SPMIP5: variants seen among roughly 807,000 people sequenced by gnomAD.
SPMIP5 encodes the protein sperm-associated microtubule inner protein 5.
At chr10:116,664,589 G>A in the SPMIP5 span, 1 of 1,295,778 alleles carries the variant, frequency 7.7e-7, no homozygotes, top group Non-Finnish European at 1.0e-6. Context: ...GGGAGCAGAG[G>A]GCACCTGCCT....
At chr10:116,664,604 G>T in the SPMIP5 span, 1 of 1,386,576 alleles carries the variant, frequency 7.2e-7, no homozygotes, top group Non-Finnish European at 9.5e-7. Flanking sequence ...CTGCCTACTG[G>T]GGAAGCCCTG....
At chr10:116,665,106 T>C in the SPMIP5 span, 21 of 1,399,956 alleles carry the variant, frequency 1.5e-5, no homozygotes, top group Non-Finnish European at 1.9e-5. Flanking sequence ...CCTAGAAATG[T>C]TTCTTTCTGG....
chr10:116,664,129 CCT>C, the SPMIP5 span: 10 of 1,613,832 alleles, frequency 6.2e-6, no homozygotes, highest in East Asian at 2.2e-4. Flanking sequence ...CATTTCATCC[CCT>C]TTTTAAAACG....
At chr10:116,664,816 C>T in the SPMIP5 span, 1 of 1,614,150 alleles carries the variant, frequency 6.2e-7, no homozygotes. Context: ...TCCAGGAAGT[C>T]CTTGTAGCAG....
At chr10:116,665,976 G>T in the SPMIP5 span, 1 of 704,898 alleles carries the variant, frequency 1.4e-6, no homozygotes, top group Non-Finnish European at 2.3e-6. Flanking sequence ...ATTAATACAA[G>T]CAGTGCTGTT....
At chr10:116,668,220 C>T in the SPMIP5 span, 2 of 1,598,400 alleles carry the variant, frequency 1.3e-6, no homozygotes, top group Non-Finnish European at 1.7e-6. Context: ...ACCCGGGTTC[C>T]CCTGCCAGGC....
At chr10:116,665,830 C>G in the SPMIP5 span, 3 of 1,602,756 alleles carry the variant, frequency 1.9e-6, no homozygotes, top group Non-Finnish European at 2.6e-6. Flanking sequence ...ACAAAGCCTG[C>G]AAGAGCCGAA....
the SPMIP5 span, chr10:116,665,765 C>G: frequency 1.2e-6 from 2 of 1,614,184 alleles, no homozygotes; most frequent in Admixed American, 3.3e-5. Flanking sequence ...GGAAGGTTTT[C>G]ACACAGTGGT....
chr10:116,663,832 C>A, the SPMIP5 span: 4 of 1,431,796 alleles, frequency 2.8e-6, no homozygotes, highest in Non-Finnish European at 3.7e-6. Context: ...GCTCACTGGG[C>A]GTGATTCCAA....
the SPMIP5 span, among the ~76,000 whole-genome samples, chr10:116,669,615 A>C: frequency 6.6e-6 from 1 of 152,322 alleles, no homozygotes; most frequent in South Asian, 2.1e-4. Context: ...TTCTCCTTTA[A>C]TCCCCACAGC....
the SPMIP5 span, chr10:116,664,984 A>C: frequency 6.3e-7 from 1 of 1,582,564 alleles, no homozygotes; most frequent in East Asian, 2.2e-5. Context: ...AAAGCAACTA[A>C]AAAATGTTTT....
the SPMIP5 span, chr10:116,668,398 C>T: frequency 8.3e-7 from 1 of 1,201,220 alleles, no homozygotes; most frequent in Non-Finnish European, 1.2e-6. Context: ...ATTGAGTGTG[C>T]ACAAGCTCTT....
At chr10:116,665,891 C>T in the SPMIP5 span, 1 of 1,394,416 alleles carries the variant, frequency 7.2e-7, no homozygotes. Flanking sequence ...CAGAGCCCGC[C>T]TAAACTCCCC....
At chr10:116,667,292 TG>T in the SPMIP5 span, among the ~76,000 whole-genome samples, 2 of 152,226 alleles carry the variant, frequency 1.3e-5, no homozygotes, top group Non-Finnish European at 2.9e-5. Flanking sequence ...AGAAAGAGCA[TG>T]GCCCTGCGGG....
the SPMIP5 span, among the ~76,000 whole-genome samples, chr10:116,668,972 A>ACACACACACACACACAC: frequency 1.5e-4 from 9 of 58,892 alleles, no homozygotes; most frequent in African/African-American, 5.3e-4. Context: ...CACACACACA[A>ACACACACACACACACAC]ACAAGGGAGA....
the SPMIP5 span, chr10:116,668,242 G>A: frequency 1.5e-5 from 24 of 1,611,252 alleles, no homozygotes; most frequent in Non-Finnish European, 2.0e-5. Context: ...CAGCTGCAGG[G>A]TACGTCCACA....
the SPMIP5 span, among the ~76,000 whole-genome samples, chr10:116,669,330 A>T: frequency 1.3e-5 from 2 of 152,202 alleles, no homozygotes; most frequent in Admixed American, 1.3e-4. Flanking sequence ...GGCTGACAGC[A>T]GTGAGGACTG....
the SPMIP5 span, chr10:116,668,199 C>G: frequency 6.6e-7 from 1 of 1,509,806 alleles, no homozygotes; most frequent in Non-Finnish European, 9.2e-7. Flanking sequence ...AAGGCAGGGA[C>G]AGTGACCAGG....
the SPMIP5 span, chr10:116,664,839 A>G: frequency 6.2e-7 from 1 of 1,614,028 alleles, no homozygotes; most frequent in Non-Finnish European, 8.5e-7. Context: ...TTTGGCCATG[A>G]CAGTGTATCT....
Sources: gnomAD v4.1 joint callset for allele counts (sites outside exome capture counted in the v4.1 genomes callset) on GRCh38, gnomAD v4.1.1 for gene constraint, MANE v1.5 for transcripts, NCBI Gene and HGNC (gene_info 2026-07-23, HGNC 2026-07-21) for gene names.